LUC7L2: variants seen among roughly 807,000 people sequenced by gnomAD.
LUC7L2 encodes the protein putative RNA-binding protein Luc7-like 2.
A neutral mutation model predicts 52.8 loss-of-function variants in LUC7L2; 25 were observed. The observed-to-expected ratio is 0.47, with a 90% CI of 0.34 to 0.66. The LOEUF (loss-of-function observed/expected upper bound fraction) is 0.66, where lower values mean the gene tolerates loss of function less well. Among genes scored for constraint, LUC7L2 ranks in the 30% least tolerant of loss-of-function variants. The probability of loss-of-function intolerance (pLI) is 0.01; values close to 1 mark genes in which losing one functional copy is unlikely to be tolerated. For synonymous variants in LUC7L2, 144 were observed against 160.9 expected, an observed-to-expected ratio of 0.89 and a Z score of 0.80; for missense variants, 328 against 497.8, an observed-to-expected ratio of 0.66 and a Z score of 3.25.
chr7:139,370,655 A>G (rs1449921242), intron 1 of LUC7L2, among the ~76,000 whole-genome samples: 2 of 152,174 alleles, frequency 1.3e-5, no homozygotes, highest in African/African-American at 2.4e-5. Flanking sequence ...GGGTTTCACC[A>G]TGTTAGCCAG....
intron 9 of LUC7L2, among the ~76,000 whole-genome samples, chr7:139,421,446 C>T (rs951648169): frequency 1.3e-5 from 2 of 152,178 alleles, no homozygotes; most frequent in African/African-American, 4.8e-5. Context: ...ATTTACCTTT[C>T]TTATAATGAA....
At chr7:139,415,555 T>C (rs1004123392) in intron 8 of LUC7L2, among the ~76,000 whole-genome samples, 1 of 150,846 alleles carries the variant, frequency 6.6e-6, no homozygotes, top group Non-Finnish European at 1.5e-5. Flanking sequence ...ATTACTCTTT[T>C]CAGCTGTGGA....
intron 1 of LUC7L2, among the ~76,000 whole-genome samples, chr7:139,371,169 T>C (rs1294702711): frequency 6.6e-6 from 1 of 152,208 alleles, no homozygotes; most frequent in East Asian, 1.9e-4. Flanking sequence ...TCTCCATTGC[T>C]TTGTATGCTG....
chr7:139,389,884 T>C (rs187669814), intron 2 of LUC7L2, among the ~76,000 whole-genome samples: 43 of 152,336 alleles, frequency 2.8e-4, no homozygotes, highest in Middle Eastern at 6.8e-3. Context: ...AACATCTTAC[T>C]TGATCTGAAC....
At chr7:139,345,465 G>A in intron 1 of LUC7L2, 2 of 1,612,848 alleles carry the variant, frequency 1.2e-6, no homozygotes, top group Non-Finnish European at 1.7e-6. Context: ...TGTATCTCTA[G>A]CTGGGTTAAG....
chr7:139,342,976 C>T (rs1799071599), intron 1 of LUC7L2, among the ~76,000 whole-genome samples: 1 of 152,216 alleles, frequency 6.6e-6, no homozygotes, highest in African/African-American at 2.4e-5. Flanking sequence ...TATCCTTTCC[C>T]TCCGGAGAAG....
chr7:139,377,664 T>C (rs368239989), intron 2 of LUC7L2, among the ~76,000 whole-genome samples: 40 of 152,162 alleles, frequency 2.6e-4, no homozygotes, highest in Middle Eastern at 3.4e-3. Flanking sequence ...AGTACTGGGA[T>C]TACAGGCATG....
chr7:139,407,342 G>T lies in LUC7L2; in HGVS notation c.679G>T (p.Glu227Ter). The T allele has an allele frequency of 1.2e-6, 2 of 1,607,906 alleles. No homozygotes were observed. Among genetic ancestry groups the T allele is most frequent in the Non-Finnish European group, 1.7e-6 (2 of 1,177,044 alleles). Residue 227 changes from glutamate to a stop codon, truncating the protein, a stop_gained, in exon 6 of 10, where the codon GAA becomes TAA. Coordinates refer to ENST00000354926, the MANE Select transcript of LUC7L2 (RefSeq NM_016019.5). LOFTEE classifies it high-confidence loss of function. ...GFIEIREKLE[E>*]LKRVVAEKQE... ...TATTGAAATAAGAGAGAAGCTTGAA[G>T]AATTAAAGGTACATTGGTAAAATAT...
upstream of LUC7L2, among the ~76,000 whole-genome samples, chr7:139,357,815 CG>C (rs1799651380): frequency 1.3e-5 from 2 of 151,518 alleles, no homozygotes. Flanking sequence ...CCTCAGCCTC[CG>C]GTGTAGCTGG....
intron 1 of LUC7L2, among the ~76,000 whole-genome samples, chr7:139,349,958 C>G (rs1051010250): frequency 2.6e-5 from 4 of 152,188 alleles, no homozygotes; most frequent in African/African-American, 9.7e-5. Flanking sequence ...TCTTGTGCCC[C>G]TTTGCAGTCA....
chr7:139,393,381 G>T (rs1794528831), intron 2 of LUC7L2, among the ~76,000 whole-genome samples: 1 of 152,110 alleles, frequency 6.6e-6, no homozygotes, highest in African/African-American at 2.4e-5. Context: ...AGTGAGCTGA[G>T]ATCATGCCAT....
chr7:139,388,137 G>C (rs529161444), intron 2 of LUC7L2, among the ~76,000 whole-genome samples: 82 of 151,640 alleles, frequency 5.4e-4, no homozygotes, highest in Non-Finnish European at 9.3e-4. Flanking sequence ...CTGTACTATT[G>C]AAAAAAAATT....
chr7:139,393,795 A>G (rs1376837726), intron 2 of LUC7L2, among the ~76,000 whole-genome samples: 1 of 152,224 alleles, frequency 6.6e-6, no homozygotes, highest in Admixed American at 6.5e-5. Context: ...GTGCCAGAGT[A>G]GATGCTTAGT....
chr7:139,377,720 G>A (rs555550619), intron 2 of LUC7L2, among the ~76,000 whole-genome samples: 2 of 151,900 alleles, frequency 1.3e-5, no homozygotes, highest in Admixed American at 1.3e-4. Context: ...GTAGAGACGG[G>A]GTTTCACCAT....
At chr7:139,408,841 CAA>C (rs564827916) in intron 6 of LUC7L2, among the ~76,000 whole-genome samples, 15 of 86,894 alleles carry the variant, frequency 1.7e-4, no homozygotes, top group Admixed American at 1.3e-4. Context: ...GACTCTGTCT[CAA>C]AAAAAAAAAA....
At chr7:139,401,334 C>T (rs542263399) in intron 3 of LUC7L2, among the ~76,000 whole-genome samples, 15 of 152,164 alleles carry the variant, frequency 9.9e-5, no homozygotes, top group Non-Finnish European at 1.5e-5. Context: ...TTCTTTTTGT[C>T]CATTCAGATC....
intron 1 of LUC7L2, among the ~76,000 whole-genome samples, chr7:139,362,107 A>ATT (rs962312372): frequency 6.8e-6 from 1 of 147,230 alleles, no homozygotes; most frequent in Non-Finnish European, 1.5e-5. Context: ...CTGTTACTGG[A>ATT]TTTTTTTTTT....
chr7:139,365,289 A>G (rs1800099186), intron 1 of LUC7L2, among the ~76,000 whole-genome samples: 1 of 152,236 alleles, frequency 6.6e-6, no homozygotes, highest in African/African-American at 2.4e-5. Context: ...AGTTCTCCTC[A>G]AGTAAGCATA....
chr7:139,412,606 T>C, intron 8 of LUC7L2, 26 bp downstream of exon 8: 3 of 1,586,476 alleles, frequency 1.9e-6, no homozygotes, highest in Non-Finnish European at 2.6e-6. Context: ...AAGACAGGTA[T>C]AAGTAGTGAA....
Sources: gnomAD v4.1 joint callset for allele counts (sites outside exome capture counted in the v4.1 genomes callset) on GRCh38, gnomAD v4.1.1 for gene constraint, MANE v1.5 for transcripts, NCBI Gene and HGNC (gene_info 2026-07-23, HGNC 2026-07-21) for gene names.